ZNF599: variants seen among roughly 807,000 people sequenced by gnomAD.
The protein encoded by ZNF599 is zinc finger protein 599.
In ZNF599, 10 loss-of-function variants were observed where a neutral mutation model predicts 11.7. The observed-to-expected ratio is 0.86, with a 90% CI of 0.53 to 1.45. ZNF599 has a LOEUF of 1.45. Among genes scored for constraint, ZNF599 ranks in the 40% most tolerant of loss-of-function variants. ZNF599 has a pLI of 0.00. For synonymous variants in ZNF599, 232 were observed against 253.2 expected, an observed-to-expected ratio of 0.92 and a Z score of 0.79; for missense variants, 688 against 713.6, an observed-to-expected ratio of 0.96 and a Z score of 0.41.
At position 34,760,397 on chromosome 19, in the gene ZNF599, A is replaced by G; in HGVS notation, c.404T>C (p.Leu135Ser). The part of the protein sequence containing the change: ...EKLIKIQEGN[L>S]RPGTNPHKEI... Reference sequence around the variant, plus strand: ...TTTGTGGGGGTTTGTTCCTGGCCTCAAGTTCCCTTCCTGAATTTTTATTAG... The same window carrying G: ...TTTGTGGGGGTTTGTTCCTGGCCTCGAGTTCCCTTCCTGAATTTTTATTAG... Residue 135 changes from leucine (L) to serine (S), a missense_variant, in exon 4 of 4, where the codon TTG becomes TCG. Leu to Ser is a moderately radical substitution (Grantham distance 145). Coordinates refer to ENST00000329285, the MANE Select transcript of ZNF599 (RefSeq NM_001007248.3). The G allele has an allele frequency of 1.2e-6, 2 of 1,614,084 alleles. No homozygotes were observed. Among genetic ancestry groups the G allele is most frequent in the Non-Finnish European group, 8.5e-7 (1 of 1,180,006 alleles).
At position 34,772,659 on chromosome 19, in the gene ZNF599, G is replaced by A. The variant is rs555492099; in HGVS notation, c.18+165C>T. 4.2e-5 allele frequency: 60 copies of A among 1,422,220 alleles called. No individual in the cohort carries two copies. In the Admixed American group the frequency reaches 1.2e-3, roughly 28 times the overall value. The allele number at this position is 1,422,220 out of a possible 1,614,324, so 88.1% of individuals were successfully genotyped here. On this transcript the variant is annotated intron_variant, in intron 1 of 3. Transcript: ENST00000329285. Reference sequence around the variant, plus strand: ...TGTCCTGGATTCAGGACCCTGGGTAGGAAGTGATTAGCCCTGCCCTCTCAC... The same window carrying A: ...TGTCCTGGATTCAGGACCCTGGGTAAGAAGTGATTAGCCCTGCCCTCTCAC...
chr19:34,766,930 G>C (rs1193841691), intron 3 of ZNF599: 2 of 177,178 alleles, frequency 1.1e-5, no homozygotes, highest in East Asian at 3.0e-4. Flanking sequence ...ACCCACATTG[G>C]GCTATGGCAT....
At chr19:34,792,730 G>T in the ZNF599 span, among the ~76,000 whole-genome samples, 3 of 152,060 alleles carry the variant, frequency 2.0e-5, no homozygotes, top group Non-Finnish European at 4.4e-5. Context: ...GGGCGTGGTG[G>T]CGGGTGCCTG....
At chr19:34,783,797 T>C in the ZNF599 span, among the ~76,000 whole-genome samples, 1 of 152,138 alleles carries the variant, frequency 6.6e-6, no homozygotes, top group African/African-American at 2.4e-5. Context: ...CCCAGTACCA[T>C]GGGCCAGTCA....
the ZNF599 span, among the ~76,000 whole-genome samples, chr19:34,784,522 T>C: frequency 1.1e-4 from 16 of 152,274 alleles, 1 homozygote; most frequent in African/African-American, 3.4e-4. Flanking sequence ...TTTGAAGGCC[T>C]CCCAACATGG....
rs545330245 is a variant in ZNF599 at position 34,769,355 on chromosome 19, G to A, written c.145+74C>T. 4 of 1,607,598 alleles carry A rather than the reference G, an allele frequency of 2.5e-6. No individual in the cohort carries two copies. The East Asian group carries it at 6.7e-5, about 27-fold the overall frequency. On this transcript the variant is annotated intron_variant, in intron 2 of 3. Coordinates refer to ENST00000329285, the MANE Select transcript of ZNF599 (RefSeq NM_001007248.3). ...GGAAGGTTGGGTTCTGAGGCTCCTG[G>A]ACCAGCCATGCCTAGAAAGGGTGGA...
chr19:34,759,654 T>G lies in ZNF599; in HGVS notation c.1147A>C (p.Thr383Pro), dbSNP rs569818429. ...GKTFCLNSSF[T>P]QHMRIHTGEK... is the part of the protein sequence containing the mutation. ...CCAGTGTGAATCCTCATGTGCTGAG[T>G]GAAGGATGAGTTGAGGCAAAAGGTT... The change falls in exon 4 of 4, where the codon ACT (threonine) becomes CCT (proline). Residue 383 changes from threonine to proline, a missense_variant. Physicochemically the swap from Thr to Pro is conservative, Grantham distance 38 (BLOSUM62 -1). Transcript: ENST00000329285. 31 of 1,612,966 alleles carry G rather than the reference T, an allele frequency of 1.9e-5. No individual in the cohort carries two copies. The South Asian group carries it at 3.4e-4, about 18-fold the overall frequency.
chr19:34,788,794 A>G, the ZNF599 span: 1 of 152,212 alleles, frequency 6.6e-6, no homozygotes, highest in Admixed American at 6.5e-5. Context: ...ATGGGATAAA[A>G]TGATTAATAT....
chr19:34,767,461 G>GACAAAAAGACA (rs770508246), intron 2 of ZNF599, 50 bp from the exon 3 acceptor site: 12 of 1,489,526 alleles, frequency 8.1e-6, no homozygotes, highest in Non-Finnish European at 1.1e-5. Flanking sequence ...AAGACAAAAA[G>GACAAAAAGACA]AAAAGTCTGA....
intron 1 of ZNF599, 82 bp from the exon 2 acceptor site, chr19:34,769,637 G>T: frequency 6.5e-7 from 1 of 1,531,912 alleles, no homozygotes; most frequent in Admixed American, 1.9e-5. Flanking sequence ...CTGGCAAAGG[G>T]TCCAGAGACC....
chr19:34,805,104 T>G, the ZNF599 span, among the ~76,000 whole-genome samples: 1 of 152,288 alleles, frequency 6.6e-6, no homozygotes, highest in South Asian at 2.1e-4. Context: ...ATTGTCTTGG[T>G]AAGTACTTTT....
At chr19:34,765,424 G>T (rs981411471) in intron 3 of ZNF599, 8 of 623,546 alleles carry the variant, frequency 1.3e-5, no homozygotes, top group Admixed American at 7.5e-5. Context: ...CCTATGACAC[G>T]CCTGAGAGGA....
upstream of ZNF599, among the ~76,000 whole-genome samples, chr19:34,773,701 T>TGG (rs3217677): frequency 3.3e-5 from 5 of 151,996 alleles, no homozygotes; most frequent in East Asian, 1.9e-4. Flanking sequence ...TCAGGTACTC[T>TGG]GGGGGGTGGG....
chr19:34,769,499 G>A lies in ZNF599; in HGVS notation c.75C>T (p.His25=). 1 of 1,614,208 alleles carries A rather than the reference G, an allele frequency of 6.2e-7. No homozygotes were observed. The highest frequency in any genetic ancestry group is 8.5e-7 in the Non-Finnish European group (1 of 1,180,026). The change falls in exon 2 of 4, where the codon CAC becomes CAT. Residue 25 remains histidine (H), a synonymous_variant. Transcript: ENST00000329285. ...VVTFTGEEWG[H]LDLAQRTLYQ... is the part of the protein sequence containing the mutation. Reference sequence around the variant, plus strand: ...ACAGGGTCCTCTGGGCCAGGTCCAGGTGCCCCCATTCCTCTCCAGTGAAGG... The same window carrying A: ...ACAGGGTCCTCTGGGCCAGGTCCAGATGCCCCCATTCCTCTCCAGTGAAGG...
rs1343693005 is a variant in ZNF599, at chr19:34,759,309, T to A, written c.1492A>T (p.Met498Leu). ...GGCTTCTCTCCAGTGTGAATCCTCA[T>A]GTGTCGAGTGAAGGAAGAGCTATAG... The part of the protein sequence containing the change: ...FYYSSSFTRH[M>L]RIHTGEKPYV... Residue 498 changes from methionine (M) to leucine (L), a missense_variant, in exon 4 of 4, where the codon ATG becomes TTG. By Grantham distance (15) the Met-to-Leu change is conservative. Coordinates refer to ENST00000329285, the MANE Select transcript of ZNF599 (RefSeq NM_001007248.3). 45 of 1,614,112 alleles carry A rather than the reference T, an allele frequency of 2.8e-5. No homozygotes were observed. Among genetic ancestry groups the A allele is most frequent in the Non-Finnish European group, 3.8e-5 (45 of 1,180,044 alleles).
At chr19:34,800,587 T>TTG in the ZNF599 span, among the ~76,000 whole-genome samples, 2 of 732 alleles carry the variant, frequency 2.7e-3, no homozygotes, top group Non-Finnish European at 6.2e-3. Flanking sequence ...ATTTCCTTTG[T>TTG]TTTTTTTTTT....
At chr19:34,776,582 T>C (rs1160792221), upstream of ZNF599, among the ~76,000 whole-genome samples, 1 of 152,230 alleles carries the variant, frequency 6.6e-6, no homozygotes, top group African/African-American at 2.4e-5. Flanking sequence ...GTGATTCTAA[T>C]AAATGATTGC....
the ZNF599 span, among the ~76,000 whole-genome samples, chr19:34,780,908 G>A: frequency 6.6e-6 from 1 of 152,178 alleles, no homozygotes; most frequent in Non-Finnish European, 1.5e-5. Context: ...TGTAATCCCA[G>A]CACTTTGGGA....
In ZNF599 at chr19:34,766,273, C is replaced by A. The variant is rs147360666; in HGVS notation, c.241+1043G>T. 3.3e-5 allele frequency among the ~76,000 whole-genome samples: 5 copies of A among 152,226 alleles called. No individual in the cohort carries two copies. The East Asian group carries it at 9.7e-4, about 29-fold the overall frequency. On this transcript the variant is annotated intron_variant, in intron 3 of 3. Coordinates refer to ENST00000329285, the MANE Select transcript of ZNF599 (RefSeq NM_001007248.3). ...TTCCTCTGGCAGCCCAGATGTGGGA[C>A]TGACAAAGGCAATCATCACCTTGAG...
Sources: allele counts gnomAD v4.1 joint callset (sites outside exome capture counted in the v4.1 genomes callset), GRCh38; gene constraint gnomAD v4.1.1; transcripts MANE v1.5; gene names NCBI Gene and HGNC (gene_info 2026-07-23, HGNC 2026-07-21).